Variants in TRAK1 observed in about 807,000 individuals in gnomAD.
TRAK1 encodes the protein trafficking kinesin-binding protein 1.
Under a neutral mutation model 92.1 loss-of-function variants are expected in TRAK1, and 33 were observed. The observed-to-expected ratio is 0.36, with a 90% confidence interval of 0.27 to 0.48. The LOEUF (loss-of-function observed/expected upper bound fraction) is 0.48. Ranked by LOEUF, TRAK1 falls within the 20% of genes least tolerant of loss-of-function variation. The probability of loss-of-function intolerance (pLI) is 0.99; values close to 1 mark genes in which losing one functional copy is unlikely to be tolerated. For missense variants in TRAK1, 1,123 were observed against 1,257.9 expected, an observed-to-expected ratio of 0.89 and a Z score of 1.62; for synonymous variants, 521 against 517.3, an observed-to-expected ratio of 1.01 and a Z score of -0.10.
At chr3:42,039,268 T>G (rs1334471285) in intron 1 of TRAK1, among the ~76,000 whole-genome samples, 1 of 152,234 alleles carries the variant, frequency 6.6e-6, no homozygotes, top group Non-Finnish European at 1.5e-5. Flanking sequence ...ATTCTTCATT[T>G]CTGTTTATTT....
rs553085585 is a variant in TRAK1, at chr3:42,113,763, A to C, written c.92-11657A>C. On this transcript the variant is annotated intron_variant, in intron 1 of 15. Transcript: ENST00000327628. ...GAGACGGGATCTCACTATGTTGCCC[A>C]GGCTGGTCTCAAACTCCAGGGCTCA... 1.5e-4 allele frequency among the ~76,000 whole-genome samples: 23 copies of C among 152,304 alleles called. No homozygotes were observed. The East Asian group carries it at 3.9e-3, about 26-fold the overall frequency.
intron 1 of TRAK1, among the ~76,000 whole-genome samples, chr3:42,068,032 G>T (rs1429039710): frequency 6.6e-6 from 1 of 151,930 alleles, no homozygotes; most frequent in Admixed American, 6.6e-5. Context: ...TTAGCCGGGC[G>T]TGATGGTGGG....
At chr3:42,113,374 C>A (rs58609370) in intron 1 of TRAK1, among the ~76,000 whole-genome samples, 2 of 119,138 alleles carry the variant, frequency 1.7e-5, no homozygotes, top group African/African-American at 4.3e-5. Flanking sequence ...CTACGCCTAC[C>A]CCTACCCCTA....
intron 1 of TRAK1, among the ~76,000 whole-genome samples, chr3:42,077,072 T>C (rs2148945612): frequency 6.6e-6 from 1 of 152,332 alleles, no homozygotes; most frequent in African/African-American, 2.4e-5. Context: ...GTGTGATCCT[T>C]CTAGCTTTGT....
intron 15 of TRAK1, chr3:42,220,713 C>A: frequency 1.6e-6 from 1 of 612,708 alleles, no homozygotes; most frequent in Non-Finnish European, 2.0e-6. Flanking sequence ...TTGTGCCTGG[C>A]TAACTCGGCC....
chr3:42,033,425 C>CA (rs1702220791), intron 1 of TRAK1, among the ~76,000 whole-genome samples: 1 of 152,068 alleles, frequency 6.6e-6, no homozygotes, highest in Admixed American at 6.6e-5. Context: ...CTCATCTCTA[C>CA]AAAAAAATTT....
At position 42,222,968 on chromosome 3, in the gene TRAK1, G is replaced by C; in HGVS notation, c.2093G>C (p.Cys698Ser). 5 of 1,613,778 alleles carry C rather than the reference G, an allele frequency of 3.1e-6. No individual in the cohort carries two copies. Among genetic ancestry groups the C allele is most frequent in the Middle Eastern group, 3.3e-4 (2 of 6,058 alleles). Reference protein sequence around the residue: ...PSLNSAPTPACGSTSHLKSTP... With the variant: ...PSLNSAPTPASGSTSHLKSTP... The stretch of plus-strand genomic sequence containing the variant: ...CTTAACTCAGCCCCAACTCCAGCTT[G>C]TGGCAGCACCAGCCACTTGAAATCC... Residue 698 changes from cysteine to serine, a missense_variant, in exon 16 of 16, where the codon TGT becomes TCT. This residue lies in a region of TRAK1 where 401 missense variants were observed against 438.9 expected (regional missense o/e 0.91). Coordinates refer to ENST00000327628, the MANE Select transcript of TRAK1 (RefSeq NM_001042646.3).
At chr3:42,186,015 C>T (rs1704793630) in intron 4 of TRAK1, among the ~76,000 whole-genome samples, 1 of 131,706 alleles carries the variant, frequency 7.6e-6, no homozygotes. Context: ...TAAGGTCTCA[C>T]TCTGTCACTC....
At chr3:42,216,949 C>T (rs558447268) in intron 14 of TRAK1, among the ~76,000 whole-genome samples, 18 of 152,266 alleles carry the variant, frequency 1.2e-4, no homozygotes, top group Non-Finnish European at 2.2e-4. Flanking sequence ...GGGATGAACA[C>T]ATAATACCAT....
At chr3:42,113,520 C>T (rs537760166) in intron 1 of TRAK1, among the ~76,000 whole-genome samples, 9 of 151,898 alleles carry the variant, frequency 5.9e-5, no homozygotes, top group Admixed American at 5.2e-4. Flanking sequence ...TTCAAGTGAT[C>T]CTCCTGCCTC....
Position 42,184,703 on chromosome 3 carries a change from T to C in TRAK1, c.382T>C (p.Leu128=), listed in dbSNP as rs1461151710. Residue 128 remains leucine (L), a synonymous_variant, in exon 4 of 16, where the codon TTG becomes CTG. Transcript: ENST00000327628. The stretch of plus-strand genomic sequence containing the variant: ...TTTGTAGAAAGAGCGGGATTTAGAA[T>C]TGGCCGCTCGCATCGGCCAGTCGTT... ...LLEEKERDLE[L]AARIGQSLLK... 1.2e-6 allele frequency: 2 copies of C among 1,614,166 alleles called. No homozygotes were observed. Among genetic ancestry groups the C allele is most frequent in the Admixed American group, 3.3e-5 (2 of 60,016 alleles).
intron 2 of TRAK1, among the ~76,000 whole-genome samples, chr3:42,126,088 T>C (rs2149142543): frequency 6.6e-6 from 1 of 151,352 alleles, no homozygotes; most frequent in Admixed American, 6.6e-5. Flanking sequence ...ACTCCTGACC[T>C]TAAGCCACCC....
intron 1 of TRAK1, among the ~76,000 whole-genome samples, chr3:42,032,481 A>G (rs77095065): frequency 3.4e-5 from 3 of 89,518 alleles, no homozygotes; most frequent in African/African-American, 2.8e-4. Flanking sequence ...GGTCAACCTG[A>G]AAAAAAAAAA....
In TRAK1 at chr3:42,191,478, T is replaced by G; in HGVS notation, c.691-80T>G. ...GCAGCTTCCCAGACCCCAGTTAGCCTTTGCTTTATGCCTCAGCCCTTGCCT... is the reference window on the plus strand; with the variant it reads ...GCAGCTTCCCAGACCCCAGTTAGCCGTTGCTTTATGCCTCAGCCCTTGCCT... On this transcript the variant is annotated intron_variant, in intron 6 of 15. Coordinates refer to ENST00000327628, the MANE Select transcript of TRAK1 (RefSeq NM_001042646.3). 5 of 1,353,852 alleles carry G rather than the reference T, an allele frequency of 3.7e-6. No homozygotes were observed. The South Asian group carries it at 6.8e-5, about 18-fold the overall frequency. The allele number at this position is 1,353,852 out of a possible 1,614,324, so 83.9% of individuals were successfully genotyped here.
At chr3:42,085,971 C>T (rs901791387), upstream of TRAK1, among the ~76,000 whole-genome samples, 1 of 152,162 alleles carries the variant, frequency 6.6e-6, no homozygotes, top group African/African-American at 2.4e-5. Context: ...ACTTTGTAGA[C>T]CCTCTGAACT....
chr3:42,017,685 A>T (rs948319196), intron 1 of TRAK1, among the ~76,000 whole-genome samples: 15 of 152,196 alleles, frequency 9.9e-5, no homozygotes, highest in Admixed American at 2.0e-4. Flanking sequence ...CTTAAAGGCT[A>T]TGATAGGCAT....
intron 4 of TRAK1, among the ~76,000 whole-genome samples, chr3:42,185,251 TAGG>T (rs943819712): frequency 3.3e-5 from 5 of 152,212 alleles, no homozygotes; most frequent in African/African-American, 1.2e-4. Context: ...GGAGCCCTGT[TAGG>T]AGGCCAGCTC....
At position 42,200,802 on chromosome 3, in the gene TRAK1, C is replaced by A; in HGVS notation, c.1191-16C>A. The A allele has an allele frequency of 6.2e-7, 1 of 1,613,422 alleles. No individual in the cohort carries two copies. The highest frequency in any genetic ancestry group is 8.5e-7 in the Non-Finnish European group (1 of 1,179,446). On this transcript the variant is annotated splice_polypyrimidine_tract_variant and intron_variant, in intron 11 of 15. Transcript: ENST00000327628. ...CCCGCATTTGCTCACTCACGGATGCCGTGCATTCTCCCTAGTCACCAGAAG... is the reference window on the plus strand; with the variant it reads ...CCCGCATTTGCTCACTCACGGATGCAGTGCATTCTCCCTAGTCACCAGAAG...
chr3:42,184,234 G>C (rs1704462661), intron 3 of TRAK1, among the ~76,000 whole-genome samples: 1 of 152,158 alleles, frequency 6.6e-6, no homozygotes, highest in Admixed American at 6.5e-5. Flanking sequence ...TCAGCTCTTG[G>C]CTTCATTGTC....
Sources: gnomAD v4.1 joint callset for allele counts (sites outside exome capture counted in the v4.1 genomes callset) on GRCh38, gnomAD v4.1.1 for gene constraint, gnomAD v4.1.1 regional missense constraint, MANE v1.5 for transcripts, NCBI Gene and HGNC (gene_info 2026-07-23, HGNC 2026-07-21) for gene names.